The following BLK variants were observed in gnomAD, a reference collection of about 807,000 sequenced individuals.
BLK encodes tyrosine-protein kinase Blk.
BLK carries 64 observed loss-of-function variants against 61.8 expected under a neutral mutation model. The observed-to-expected ratio is 1.03, with a 90% CI of 0.85 to 1.27. The LOEUF is 1.27. Among genes scored for constraint, BLK ranks in the 50% most tolerant of loss-of-function variants. The probability of loss-of-function intolerance (pLI) is 0.00; values close to 1 mark genes in which losing one functional copy is unlikely to be tolerated. For missense variants in BLK, 853 were observed against 660.5 expected (o/e 1.29, Z -3.19); for synonymous variants, 351 against 272.0 (o/e 1.29, Z -2.86).
intron 10 of BLK, chr8:11,560,756 C>A (rs1238740758): frequency 2.3e-6 from 1 of 426,394 alleles, no homozygotes; most frequent in Non-Finnish European, 4.8e-6. Context: ...CACAAATCAA[C>A]CTCGTCTAAT....
At chr8:11,496,439 C>T (rs540631299) in intron 1 of BLK, among the ~76,000 whole-genome samples, 16 of 152,296 alleles carry the variant, frequency 1.1e-4, no homozygotes, top group African/African-American at 2.9e-4. Context: ...GATGGGGTCT[C>T]GCTTTGTTGC....
intron 12 of BLK, 55 bp downstream of exon 12, chr8:11,563,165 G>A: frequency 1.2e-6 from 2 of 1,611,210 alleles, no homozygotes; most frequent in Non-Finnish European, 1.7e-6. Context: ...CGGCCCTGAT[G>A]GCAGGTCGCC....
At chr8:11,560,467 T>C (rs1801458713) in intron 10 of BLK, 1 of 239,892 alleles carries the variant, frequency 4.2e-6, no homozygotes, top group African/African-American at 2.3e-5. Context: ...TAAGGAGAAG[T>C]GGAATCAATT....
intron 8 of BLK, chr8:11,556,229 A>G (rs1801214579): frequency 3.4e-6 from 1 of 298,012 alleles, no homozygotes; most frequent in Admixed American, 4.4e-5. Context: ...GTGGGACAGG[A>G]TCGCCATGGG....
At chr8:11,560,472 T>C in intron 10 of BLK, 1 of 239,978 alleles carries the variant, frequency 4.2e-6, no homozygotes, top group Non-Finnish European at 8.2e-6. Context: ...AGAAGTGGAA[T>C]CAATTCTAGT....
intron 1 of BLK, among the ~76,000 whole-genome samples, chr8:11,529,084 G>A (rs1388072253): frequency 1.3e-5 from 2 of 152,054 alleles, no homozygotes; most frequent in East Asian, 1.9e-4. Flanking sequence ...TTCTGCACAC[G>A]TACCCCATAA....
chr8:11,535,649 G>A lies in BLK; in HGVS notation c.-1-7575G>A, dbSNP rs182521104. Among the ~76,000 whole-genome samples, 492 of 152,270 alleles carry A rather than the reference G, an allele frequency of 3.2e-3. 6 individuals carry two copies. Among genetic ancestry groups the A allele is most frequent in the Middle Eastern group, 3.4e-3 (1 of 294 alleles). On this transcript the variant is annotated intron_variant, in intron 1 of 12. Coordinates refer to ENST00000259089, the MANE Select transcript of BLK (RefSeq NM_001715.3). Reference sequence around the variant, plus strand: ...ACCACTAATGGGACTTTTAAATGTCGGTGAGGAACTTGTCAATGGAGGAAT... The same window carrying A: ...ACCACTAATGGGACTTTTAAATGTCAGTGAGGAACTTGTCAATGGAGGAAT...
In BLK at chr8:11,550,196, A is replaced by T; in HGVS notation, c.406A>T (p.Arg136Trp). 3 of 1,614,144 alleles carry T rather than the reference A, an allele frequency of 1.9e-6. No individual in the cohort carries two copies. Among genetic ancestry groups the T allele is most frequent in the Non-Finnish European group, 2.5e-6 (3 of 1,180,004 alleles). ...FRSQGRKEAE[R>W]QLLAPINKAG... ...ATCACAGGGTCGGAAGGAGGCTGAG[A>T]GGCAGCTTCTTGCTCCAATCAACAA... Residue 136 changes from arginine (R) to tryptophan (W), a missense_variant, in exon 6 of 13, where the codon AGG (arginine) becomes TGG (tryptophan). Physicochemically the swap from Arg to Trp is moderately radical, Grantham distance 101. Transcript: ENST00000259089.
chr8:11,503,030 C>T (rs527407937), intron 1 of BLK, among the ~76,000 whole-genome samples: 1 of 152,310 alleles, frequency 6.6e-6, no homozygotes, highest in East Asian at 1.9e-4. Flanking sequence ...CCTTGGGCTC[C>T]TTCTCATCTC....
intron 1 of BLK, among the ~76,000 whole-genome samples, chr8:11,507,974 C>G (rs553430850): frequency 6.6e-6 from 1 of 152,286 alleles, no homozygotes; most frequent in East Asian, 1.9e-4. Context: ...TTTGGTGGCT[C>G]TGTGTGGCAC....
intron 3 of BLK, among the ~76,000 whole-genome samples, chr8:11,546,438 G>T (rs895032812): frequency 6.6e-6 from 1 of 152,106 alleles, no homozygotes; most frequent in African/African-American, 2.4e-5. Flanking sequence ...CAAAGGGCTG[G>T]GCCAGTGGCT....
At chr8:11,531,528 A>T (rs1425720160) in intron 1 of BLK, among the ~76,000 whole-genome samples, 2 of 152,112 alleles carry the variant, frequency 1.3e-5, no homozygotes, top group African/African-American at 2.4e-5. Flanking sequence ...TTTATTTATC[A>T]TTGGTTTTCA....
In BLK at chr8:11,554,844, C is replaced by CG; in HGVS notation, c.576dup (p.Ile193AspfsTer15). 3 of 1,613,952 alleles carry CG rather than the reference C, an allele frequency of 1.9e-6. No individual in the cohort carries two copies. The highest frequency in any genetic ancestry group is 1.1e-5 in the South Asian group (1 of 91,068). On this transcript the variant is annotated frameshift_variant, in exon 7 of 13. Transcript: ENST00000259089. LOFTEE classifies it high-confidence loss of function. Reference sequence around the variant, plus strand: ...TGAAGGGGGCTACTACATCTCCCCCCGGATCACCTTCCCCTCGCTCCAGGC... The same window carrying CG: ...TGAAGGGGGCTACTACATCTCCCCCCGGGATCACCTTCCCCTCGCTCCAGGC...
At chr8:11,563,628 C>A (rs556119563) in intron 12 of BLK, among the ~76,000 whole-genome samples, 1 of 152,198 alleles carries the variant, frequency 6.6e-6, no homozygotes, top group Admixed American at 6.5e-5. Context: ...CACAGGTAAT[C>A]AAGAGAGGGA....
intron 6 of BLK, chr8:11,552,821 T>G (rs1279775533): frequency 2.6e-5 from 4 of 152,262 alleles, no homozygotes; most frequent in Non-Finnish European, 4.4e-5. Context: ...AGGAAGCCAG[T>G]CCAAGCTGGG....
At chr8:11,530,482 G>A (rs1691093097) in intron 1 of BLK, among the ~76,000 whole-genome samples, 1 of 152,200 alleles carries the variant, frequency 6.6e-6, no homozygotes, top group Non-Finnish European at 1.5e-5. Context: ...GGTAAAATAA[G>A]CAGTGTCTCC....
At chr8:11,544,049 GCCT>G (rs1460693863) in intron 2 of BLK, among the ~76,000 whole-genome samples, 1 of 151,068 alleles carries the variant, frequency 6.6e-6, no homozygotes, top group Non-Finnish European at 1.5e-5. Flanking sequence ...TGCAACCTCT[GCCT>G]CCTGGATTCA....
At chr8:11,507,061 C>T (rs1350747429) in intron 1 of BLK, among the ~76,000 whole-genome samples, 1 of 152,224 alleles carries the variant, frequency 6.6e-6, no homozygotes, top group Non-Finnish European at 1.5e-5. Context: ...GGCAGGTAGC[C>T]TGTCCCATCT....
At chr8:11,502,874 G>C (rs1585319133) in intron 1 of BLK, among the ~76,000 whole-genome samples, 1 of 152,192 alleles carries the variant, frequency 6.6e-6, no homozygotes, top group African/African-American at 2.4e-5. Context: ...CAGGGGAAGG[G>C]GGGTGGGCCT....
Sources: gnomAD v4.1 joint callset for allele counts (sites outside exome capture counted in the v4.1 genomes callset) on GRCh38, gnomAD v4.1.1 for gene constraint, MANE v1.5 for transcripts, NCBI Gene and HGNC (gene_info 2026-07-23, HGNC 2026-07-21) for gene names.